MACF1: variants seen among roughly 807,000 people sequenced by gnomAD.
The protein encoded by MACF1 is microtubule actin crosslinking factor 1.
In MACF1, 193 loss-of-function variants were observed where a neutral mutation model predicts 854.8. The ratio of observed to expected loss-of-function variants is 0.23; its 90% CI spans 0.20 to 0.25. The LOEUF (loss-of-function observed/expected upper bound fraction) is 0.25, where lower values mean the gene tolerates loss of function less well. Ranked by LOEUF, MACF1 falls within the 10% of genes least tolerant of loss-of-function variation. The probability of loss-of-function intolerance (pLI) is 1.00; values close to 1 mark genes in which losing one functional copy is unlikely to be tolerated. For synonymous variants in MACF1, 3,185 were observed against 3,226.7 expected, an observed-to-expected ratio of 0.99 and a Z score of 0.44; for missense variants, 7,722 against 8,929.1, an observed-to-expected ratio of 0.86 and a Z score of 5.45.
At chr1:39,119,881 T>C in intron 2 of MACF1, among the ~76,000 whole-genome samples, 1 of 143,418 alleles carries the variant, frequency 7.0e-6, no homozygotes, top group African/African-American at 2.7e-5. Context: ...TCTTTTTTTT[T>C]TTTTTTTTTT....
At chr1:39,095,392 C>T (rs143917112) in intron 2 of MACF1, among the ~76,000 whole-genome samples, 1 of 151,242 alleles carries the variant, frequency 6.6e-6, no homozygotes, top group East Asian at 2.0e-4. Flanking sequence ...GAAACCCTGT[C>T]TCTATTAAAA....
chr1:39,367,479 G>A (rs537948153), intron 49 of MACF1, among the ~76,000 whole-genome samples: 2 of 152,196 alleles, frequency 1.3e-5, no homozygotes, highest in Admixed American at 6.5e-5. Flanking sequence ...GATTACAGGC[G>A]TGAGCCACTG....
intron 6 of MACF1, among the ~76,000 whole-genome samples, chr1:39,270,272 A>G (rs1645291734): frequency 6.6e-6 from 1 of 152,210 alleles, no homozygotes; most frequent in Non-Finnish European, 1.5e-5. Context: ...GAGAGGGCTC[A>G]TCCTTCTTTG....
intron 50 of MACF1, among the ~76,000 whole-genome samples, chr1:39,369,426 A>T (rs1649035608): frequency 6.6e-6 from 1 of 152,218 alleles, no homozygotes; most frequent in African/African-American, 2.4e-5. Flanking sequence ...AATGGAGAGG[A>T]TGGGGACAAA....
intron 2 of MACF1, among the ~76,000 whole-genome samples, chr1:39,194,357 T>C (rs1264381160): frequency 8.4e-6 from 1 of 118,480 alleles, no homozygotes; most frequent in Non-Finnish European, 2.0e-5. Context: ...TTTTCTTTTT[T>C]TTTTTTTTTT....
chr1:39,429,364 C>A, intron 64 of MACF1, 38 bp downstream of exon 64: 1 of 1,160,410 alleles, frequency 8.6e-7, no homozygotes. Flanking sequence ...CCCCTATGGT[C>A]TCAAAGACAA....
intron 2 of MACF1, among the ~76,000 whole-genome samples, chr1:39,138,957 G>A (rs976189620): frequency 1.3e-5 from 2 of 151,502 alleles, no homozygotes; most frequent in East Asian, 2.0e-4. Flanking sequence ...AAGCCACCGC[G>A]CCTGGCCTAG....
intron 89 of MACF1, among the ~76,000 whole-genome samples, chr1:39,456,139 G>C (rs61779305): frequency 0.12 from 18,107 of 152,204 alleles, 1,390 homozygotes; most frequent in Non-Finnish European, 0.17. Context: ...TTTGAGACCA[G>C]CCTAGCCAAC....
intron 1 of MACF1, among the ~76,000 whole-genome samples, chr1:39,225,511 C>T (rs959456226): frequency 6.6e-5 from 10 of 152,114 alleles, no homozygotes; most frequent in Non-Finnish European, 1.2e-4. Context: ...CCACCACGCC[C>T]GGCCATAGCA....
intron 2 of MACF1, among the ~76,000 whole-genome samples, chr1:39,107,106 AAC>A (rs1007462140): frequency 7.9e-5 from 12 of 152,272 alleles, no homozygotes; most frequent in African/African-American, 2.9e-4. Context: ...GCTTTTGAGT[AAC>A]ACTGCTCTCT....
At position 39,458,455 on chromosome 1, in the gene MACF1, A is replaced by T. The variant is rs1644486331; in HGVS notation, c.21161A>T (p.His7054Leu). 6.2e-7 allele frequency: 1 copy of T among 1,613,934 alleles called. No individual in the cohort carries two copies. Among genetic ancestry groups the T allele is most frequent in the African/African-American group, 1.3e-5 (1 of 74,898 alleles). The change falls in exon 90 of 101, where the codon CAC (histidine) becomes CTC (leucine). Residue 7054 changes from histidine to leucine, a missense_variant. By Grantham distance (99) the His-to-Leu change is moderately conservative (BLOSUM62 -3). Around this residue, in one of 15 missense-constraint regions of MACF1, gnomAD observed 729 missense variants for 900.5 expected, o/e 0.81. Coordinates refer to ENST00000564288, the MANE Select transcript of MACF1 (RefSeq NM_001394062.1). ...AAAAGGAAAAACATAGAGCCTACTC[A>T]CGCGCCTTTCATAGAGAAATCCCGC... ...TYKRKNIEPTHAPFIEKSRSG... is the reference protein window; with the variant it reads ...TYKRKNIEPTLAPFIEKSRSG...
chr1:39,137,022 T>G (rs1643190562), intron 2 of MACF1, among the ~76,000 whole-genome samples: 1 of 152,218 alleles, frequency 6.6e-6, no homozygotes, highest in South Asian at 2.1e-4. Flanking sequence ...TTACCCTTTG[T>G]CAACTAAAAA....
chr1:39,335,935 A>G lies in MACF1; in HGVS notation c.9347A>G (p.Glu3116Gly). 6.2e-7 allele frequency: 1 copy of G among 1,614,170 alleles called. No individual in the cohort carries two copies. The highest frequency in any genetic ancestry group is 8.5e-7 in the Non-Finnish European group (1 of 1,180,020). Residue 3116 changes from glutamate (E) to glycine (G), a missense_variant, in exon 37 of 101, where the codon GAA becomes GGA. Glu to Gly is a moderately conservative substitution (Grantham distance 98, BLOSUM62 -2). Around this residue, in one of 15 missense-constraint regions of MACF1, gnomAD observed 854 missense variants for 852.6 expected, o/e 1.00. Coordinates refer to ENST00000564288, the MANE Select transcript of MACF1 (RefSeq NM_001394062.1). ...AGACCTGAAGGATTGCACTACCAGG[A>G]ATCAGATGGAAAAGCCCAAGTGACA... ...TPRPEGLHYQESDGKAQVTGP... is the reference protein window; with the variant it reads ...TPRPEGLHYQGSDGKAQVTGP...
At position 39,442,852 on chromosome 1, in the gene MACF1, G is replaced by A; in HGVS notation, c.19243G>A (p.Glu6415Lys). 1.2e-6 allele frequency: 2 copies of A among 1,614,012 alleles called. No individual in the cohort carries two copies. The highest frequency in any genetic ancestry group is 1.1e-5 in the South Asian group (1 of 91,058). The change falls in exon 78 of 101, where the codon GAG becomes AAG. Residue 6415 changes from glutamate to lysine, a missense_variant. Physicochemically the swap from Glu to Lys is moderately conservative, Grantham distance 56. Around this residue, in one of 15 missense-constraint regions of MACF1, gnomAD observed 729 missense variants for 900.5 expected, o/e 0.81. Coordinates refer to ENST00000564288, the MANE Select transcript of MACF1 (RefSeq NM_001394062.1). ...TTTGGAAGCCATGAACCAATGCTGG[G>A]AGTCAGTGTTACAGAAAACAGAGGA... Reference protein sequence around the residue: ...SRLEAMNQCWESVLQKTEERE... With the variant: ...SRLEAMNQCWKSVLQKTEERE...
At chr1:39,378,606 G>A in intron 53 of MACF1, 83 bp downstream of exon 53, 7 of 1,338,102 alleles carry the variant, frequency 5.2e-6, no homozygotes, top group Non-Finnish European at 7.5e-6. Flanking sequence ...GTTGCAATAT[G>A]TGGTGGAAGA....
At chr1:39,412,870 A>C in intron 58 of MACF1, 1 of 1,605,880 alleles carries the variant, frequency 6.2e-7, no homozygotes, top group African/African-American at 1.3e-5. Flanking sequence ...CCCAGAGGGA[A>C]CTGCTGTAGT....
chr1:39,332,031 G>A lies in MACF1; in HGVS notation c.5443G>A (p.Asp1815Asn), dbSNP rs1571347759. ...IRQLQTGGIIDTVTGQRLTID... is the reference protein window; with the variant it reads ...IRQLQTGGIINTVTGQRLTID... ...GCAGCTTCAGACAGGAGGCATCATAGACACTGTCACGGGGCAAAGGCTAAC... is the reference window on the plus strand; with the variant it reads ...GCAGCTTCAGACAGGAGGCATCATAAACACTGTCACGGGGCAAAGGCTAAC... The change falls in exon 37 of 101, where the codon GAC (aspartate) becomes AAC (asparagine). Residue 1815 changes from aspartate to asparagine, a missense_variant. This residue lies in a region of MACF1 where 1,531 missense variants were observed against 1,601.6 expected (regional missense o/e 0.96). Transcript: ENST00000564288. 3.1e-6 allele frequency: 5 copies of A among 1,613,892 alleles called. No individual in the cohort carries two copies. In the East Asian group the frequency reaches 8.9e-5, roughly 29 times the overall value.
Position 39,452,755 on chromosome 1 carries a change from T to A in MACF1, c.20685T>A (p.Phe6895Leu), listed in dbSNP as rs1364250284. The change falls in exon 87 of 101, where the codon TTT (phenylalanine) becomes TTA (leucine). Residue 6895 changes from phenylalanine (F) to leucine (L), a missense_variant. Physicochemically the swap from Phe to Leu is conservative, Grantham distance 22. This residue lies in a region of MACF1 where 729 missense variants were observed against 900.5 expected (regional missense o/e 0.81). Coordinates refer to ENST00000564288, the MANE Select transcript of MACF1 (RefSeq NM_001394062.1). ...WLSEAEQTLR[F>L]RGALPDDTEA... ...CTGAAGCAGAGCAAACGCTTCGCTTTCGGGGAGCACTTCCTGATGACACAG... is the reference window on the plus strand; with the variant it reads ...CTGAAGCAGAGCAAACGCTTCGCTTACGGGGAGCACTTCCTGATGACACAG... 7 of 1,614,088 alleles carry A rather than the reference T, an allele frequency of 4.3e-6. No homozygotes were observed. In the South Asian group the frequency reaches 6.6e-5, roughly 15 times the overall value.
At chr1:39,261,811 G>GTA (rs1645166569) in intron 6 of MACF1, among the ~76,000 whole-genome samples, 2 of 152,098 alleles carry the variant, frequency 1.3e-5, no homozygotes, top group Non-Finnish European at 2.9e-5. Flanking sequence ...GTGTATACAT[G>GTA]TATATACCTA....
Sources: gnomAD v4.1 joint callset for allele counts (sites outside exome capture counted in the v4.1 genomes callset) on GRCh38, gnomAD v4.1.1 for gene constraint, gnomAD v4.1.1 regional missense constraint, MANE v1.5 for transcripts, NCBI Gene and HGNC (gene_info 2026-07-23, HGNC 2026-07-21) for gene names.